ASCC3: variants seen among roughly 807,000 people sequenced by gnomAD.
The protein encoded by ASCC3 is activating signal cointegrator 1 complex subunit 3.
A neutral mutation model predicts 256.3 loss-of-function variants in ASCC3; 158 were observed. The observed-to-expected ratio is 0.62, with a 90% CI of 0.54 to 0.70. The LOEUF (loss-of-function observed/expected upper bound fraction) is 0.70, where lower values mean the gene tolerates loss of function less well. Among genes scored for constraint, ASCC3 ranks in the 30% least tolerant of loss-of-function variants. The probability of loss-of-function intolerance (pLI) is 0.00; values close to 1 mark genes in which losing one functional copy is unlikely to be tolerated. For missense variants in ASCC3, 2,259 were observed against 2,626.0 expected (o/e 0.86, Z 3.05); for synonymous variants, 948 against 883.4 (o/e 1.07, Z -1.30).
intron 36 of ASCC3, among the ~76,000 whole-genome samples, chr6:100,559,849 C>CAAAAAAAAA (rs35881747): frequency 8.6e-6 from 1 of 116,840 alleles, no homozygotes; most frequent in Non-Finnish European, 1.8e-5. Flanking sequence ...GACTCCATCT[C>CAAAAAAAAA]AAAAAAAAAA....
chr6:100,591,709 T>C (rs1333603353), intron 34 of ASCC3, among the ~76,000 whole-genome samples: 1 of 151,990 alleles, frequency 6.6e-6, no homozygotes, highest in Non-Finnish European at 1.5e-5. Context: ...ATTTTGAAAA[T>C]ATTACTGTGA....
chr6:100,540,511 T>G, intron 36 of ASCC3, 124 bp from the exon 37 acceptor site: 1 of 832,728 alleles, frequency 1.2e-6, no homozygotes, highest in South Asian at 1.6e-5. Flanking sequence ...CCTTAGAATT[T>G]TGCTTGTTCA....
chr6:100,699,081 A>C (rs919940412), intron 13 of ASCC3, among the ~76,000 whole-genome samples: 2 of 152,164 alleles, frequency 1.3e-5, no homozygotes, highest in Non-Finnish European at 2.9e-5. Context: ...GCCTAGGTAC[A>C]TGGTAGGCTA....
rs1440026244 is a variant in ASCC3, at chr6:100,760,921, TAA to T, written c.1737+5642_1737+5643del. Among the ~76,000 whole-genome samples the T allele has an allele frequency of 2.6e-5, 4 of 152,114 alleles. No homozygotes were observed. In the East Asian group the frequency reaches 7.7e-4, roughly 29 times the overall value. On this transcript the variant is annotated intron_variant, in intron 10 of 41. Coordinates refer to ENST00000369162, the MANE Select transcript of ASCC3 (RefSeq NM_006828.4). ...GAGAAAACATGACGGGTTGAAGAAA[TAA>T]AGGCTGGAAACTTCCCAAATTTGAC...
At position 100,766,685 on chromosome 6, in the gene ASCC3, C is replaced by T; in HGVS notation, c.1617G>A (p.Met539Ile). The T allele has an allele frequency of 6.2e-7, 1 of 1,614,020 alleles. No individual in the cohort carries two copies. Among genetic ancestry groups the T allele is most frequent in the Middle Eastern group, 1.7e-4 (1 of 6,058 alleles). Reference protein sequence around the residue: ...NEFKIVYVAPMKALAAEMTDY... With the variant: ...NEFKIVYVAPIKALAAEMTDY... ...CTGTCATTTCAGCTGCCAAGGCTTTCATTGGAGCAACATATACAATCTATA... is the reference window on the plus strand; with the variant it reads ...CTGTCATTTCAGCTGCCAAGGCTTTTATTGGAGCAACATATACAATCTATA... Residue 539 changes from methionine to isoleucine, a missense_variant, in exon 10 of 42, where the codon ATG becomes ATA. Around this residue, in one of 2 missense-constraint regions of ASCC3, gnomAD observed 1,839 missense variants for 2,206.7 expected, o/e 0.83. Coordinates refer to ENST00000369162, the MANE Select transcript of ASCC3 (RefSeq NM_006828.4).
chr6:100,726,431 A>G (rs1346282441), intron 10 of ASCC3, among the ~76,000 whole-genome samples: 3 of 152,030 alleles, frequency 2.0e-5, no homozygotes, highest in Non-Finnish European at 2.9e-5. Flanking sequence ...TAATTTGCAG[A>G]GAAAAAATGT....
intron 30 of ASCC3, among the ~76,000 whole-genome samples, chr6:100,620,281 G>A (rs547923841): frequency 6.6e-6 from 1 of 152,208 alleles, no homozygotes; most frequent in East Asian, 1.9e-4. Context: ...AGGTCACATG[G>A]TAGCATATAC....
intron 8 of ASCC3, among the ~76,000 whole-genome samples, chr6:100,792,644 T>G (rs1284755051): frequency 6.6e-6 from 1 of 151,950 alleles, no homozygotes; most frequent in Non-Finnish European, 1.5e-5. Context: ...AAGAGAAAAT[T>G]TACATTTCCA....
intron 36 of ASCC3, among the ~76,000 whole-genome samples, chr6:100,551,123 T>C (rs987168614): frequency 2.6e-5 from 4 of 151,954 alleles, no homozygotes; most frequent in African/African-American, 9.7e-5. Context: ...AAAAACTATA[T>C]GCACTTCAAT....
At chr6:100,736,797 G>A (rs1780190934) in intron 10 of ASCC3, among the ~76,000 whole-genome samples, 1 of 152,134 alleles carries the variant, frequency 6.6e-6, no homozygotes, top group Non-Finnish European at 1.5e-5. Flanking sequence ...GCTAAACTAA[G>A]TGGCCTGGAT....
At chr6:100,635,769 G>T (rs1774811018) in intron 25 of ASCC3, among the ~76,000 whole-genome samples, 1 of 151,912 alleles carries the variant, frequency 6.6e-6, no homozygotes, top group Admixed American at 6.6e-5. Context: ...AAGCTTTAAA[G>T]CAATACTTAC....
chr6:100,538,872 AT>A lies in ASCC3; in HGVS notation c.5775+1290del, dbSNP rs368245244. Among the ~76,000 whole-genome samples the A allele has an allele frequency of 3.8e-4, 58 of 152,226 alleles. 4 individuals carry two copies. The East Asian group carries it at 6.6e-3, about 17-fold the overall frequency. Reference sequence around the variant, plus strand: ...AAAAATGGGTTTTATGAAAAAAAAAATGTTTAGAAACATGTCCAAAAAAGGT... The same window carrying A: ...AAAAATGGGTTTTATGAAAAAAAAAAGTTTAGAAACATGTCCAAAAAAGGT... On this transcript the variant is annotated intron_variant, in intron 37 of 41. Coordinates refer to ENST00000369162, the MANE Select transcript of ASCC3 (RefSeq NM_006828.4).
chr6:100,578,600 CT>C (rs768624305), intron 36 of ASCC3, among the ~76,000 whole-genome samples: 5 of 151,846 alleles, frequency 3.3e-5, no homozygotes, highest in Non-Finnish European at 7.4e-5. Context: ...TGATTTCATT[CT>C]TTTTTTTATG....
chr6:100,570,691 C>T (rs888411414), intron 36 of ASCC3, among the ~76,000 whole-genome samples: 1 of 152,098 alleles, frequency 6.6e-6, no homozygotes, highest in African/African-American at 2.4e-5. Context: ...GACTTTGAAA[C>T]TTGGAAAAGA....
At chr6:100,743,297 T>C (rs1301390004) in intron 10 of ASCC3, among the ~76,000 whole-genome samples, 1 of 152,220 alleles carries the variant, frequency 6.6e-6, no homozygotes, top group Admixed American at 6.5e-5. Flanking sequence ...AACCTGGATA[T>C]TTCAGTTGAA....
intron 10 of ASCC3, among the ~76,000 whole-genome samples, chr6:100,751,896 T>C (rs1269009615): frequency 6.6e-6 from 1 of 152,140 alleles, no homozygotes; most frequent in African/African-American, 2.4e-5. Context: ...CAAACTACCC[T>C]TGTACTTTAT....
At chr6:100,597,610 G>A (rs1399125644) in intron 34 of ASCC3, among the ~76,000 whole-genome samples, 1 of 151,870 alleles carries the variant, frequency 6.6e-6, no homozygotes, top group Non-Finnish European at 1.5e-5. Flanking sequence ...TGACAGCCCA[G>A]CCACGTATCT....
intron 40 of ASCC3, 27 bp from the exon 41 acceptor site, chr6:100,510,134 A>G: frequency 6.2e-7 from 1 of 1,613,260 alleles, no homozygotes; most frequent in Non-Finnish European, 8.5e-7. Context: ...AAGATACAAC[A>G]TTAAAAATAT....
intron 13 of ASCC3, among the ~76,000 whole-genome samples, chr6:100,700,297 C>G (rs940194994): frequency 2.0e-5 from 3 of 152,102 alleles, no homozygotes; most frequent in African/African-American, 7.2e-5. Context: ...TGTGAGTGCA[C>G]AGAAGTCAAG....
Sources: allele counts gnomAD v4.1 joint callset (sites outside exome capture counted in the v4.1 genomes callset), GRCh38; gene constraint gnomAD v4.1.1; regional missense constraint gnomAD v4.1.1; transcripts MANE v1.5; gene names NCBI Gene and HGNC (gene_info 2026-07-23, HGNC 2026-07-21).